SUSD1: variants seen among roughly 807,000 people sequenced by gnomAD.
SUSD1 encodes the protein sushi domain-containing protein 1.
A neutral mutation model predicts 86.9 loss-of-function variants in SUSD1; 65 were observed. That is an observed-to-expected ratio of 0.75 (90% CI 0.61 to 0.92). The LOEUF (loss-of-function observed/expected upper bound fraction) is 0.92. Ranked by LOEUF, SUSD1 falls within the 40% of genes least tolerant of loss-of-function variation. SUSD1 has a pLI of 0.00. For synonymous variants in SUSD1, 346 were observed against 350.0 expected, an observed-to-expected ratio of 0.99 and a Z score of 0.13; for missense variants, 850 against 929.7, an observed-to-expected ratio of 0.91 and a Z score of 1.11.
At chr9:112,054,335 A>G (rs1404702852) in intron 14 of SUSD1, among the ~76,000 whole-genome samples, 1 of 152,202 alleles carries the variant, frequency 6.6e-6, no homozygotes, top group East Asian at 1.9e-4. Context: ...CTGTAATCCC[A>G]GTACTTTGGG....
intron 14 of SUSD1, among the ~76,000 whole-genome samples, chr9:112,057,180 C>T (rs1828487854): frequency 6.6e-6 from 1 of 152,176 alleles, no homozygotes; most frequent in Non-Finnish European, 1.5e-5. Flanking sequence ...GGCAGCTGTC[C>T]ACAAGCCAGG....
At chr9:112,080,700 A>AAG (rs1554757278) in intron 10 of SUSD1, among the ~76,000 whole-genome samples, 5 of 151,666 alleles carry the variant, frequency 3.3e-5, no homozygotes, top group Non-Finnish European at 5.9e-5. Context: ...GAAAAAAAAA[A>AAG]AAAAGAAAAG....
chr9:112,102,665 G>A (rs569794961), intron 8 of SUSD1, among the ~76,000 whole-genome samples: 3 of 152,332 alleles, frequency 2.0e-5, no homozygotes, highest in East Asian at 3.9e-4. Flanking sequence ...ATGAAGGTAA[G>A]CATAGCAGTA....
At chr9:112,161,794 C>T (rs191563639) in intron 1 of SUSD1, among the ~76,000 whole-genome samples, 1 of 148,050 alleles carries the variant, frequency 6.8e-6, no homozygotes, top group East Asian at 2.0e-4. Context: ...TGCACTCCAG[C>T]CTGCGTGACA....
chr9:112,156,386 T>G (rs1165300352), intron 2 of SUSD1, among the ~76,000 whole-genome samples: 2 of 151,184 alleles, frequency 1.3e-5, no homozygotes, highest in Non-Finnish European at 2.9e-5. Context: ...CACTTGAACC[T>G]CGGAGGCGGA....
chr9:112,082,045 T>C (rs1395940420), intron 10 of SUSD1, among the ~76,000 whole-genome samples: 1 of 152,072 alleles, frequency 6.6e-6, no homozygotes, highest in African/African-American at 2.4e-5. Context: ...TTAAGAACAA[T>C]ACAAGGATGT....
chr9:112,068,144 A>C (rs1255818320), intron 12 of SUSD1, among the ~76,000 whole-genome samples: 1 of 152,164 alleles, frequency 6.6e-6, no homozygotes, highest in African/African-American at 2.4e-5. Flanking sequence ...AGTTTTGTAA[A>C]GGTAGTGCCC....
chr9:112,135,717 T>C (rs1446799402), intron 5 of SUSD1, among the ~76,000 whole-genome samples: 1 of 152,214 alleles, frequency 6.6e-6, no homozygotes, highest in Non-Finnish European at 1.5e-5. Context: ...AAAGACCTTA[T>C]GTTTTTGATG....
intron 9 of SUSD1, among the ~76,000 whole-genome samples, chr9:112,101,192 T>A (rs1468377832): frequency 6.6e-6 from 1 of 151,520 alleles, no homozygotes; most frequent in Non-Finnish European, 1.5e-5. Flanking sequence ...TGACACGACA[T>A]CTCTAATAAA....
rs116103024 is a variant in SUSD1 at position 112,166,968 on chromosome 9, G to A, written c.103+8165C>T. On this transcript the variant is annotated intron_variant, in intron 1 of 16. Coordinates refer to ENST00000374270, the MANE Select transcript of SUSD1 (RefSeq NM_022486.5). ...GGCTGCTGAGCTAGCTTCACTACCC[G>A]TCCCAGCTCTGCAGTGACTACCCCA... Among the ~76,000 whole-genome samples the A allele has an allele frequency of 7.9e-3, 1,204 of 152,230 alleles. 24 individuals carry two copies. Among genetic ancestry groups the A allele is most frequent in the African/African-American group, 0.027 (1,139 of 41,526 alleles).
At position 112,124,355 on chromosome 9, in the gene SUSD1, C is replaced by A. The variant is rs774815840; in HGVS notation, c.788G>T (p.Arg263Leu). Residue 263 changes from arginine (R) to leucine (L), a missense_variant, in exon 6 of 17, where the codon CGC becomes CTC. By Grantham distance (102) the Arg-to-Leu change is moderately radical (BLOSUM62 -2). Transcript: ENST00000374270. ...CTCAAAGCCCTCTTGACAGACATAG[C>A]GAGCCACACCGCCCAGCCTGGAGCT... ...NHSSRLGGVA[R>L]YVCQEGFESP... 2.0e-5 allele frequency: 33 copies of A among 1,613,918 alleles called. No homozygotes were observed. The highest frequency in any genetic ancestry group is 2.8e-5 in the Non-Finnish European group (33 of 1,179,990).
chr9:112,067,391 T>G (rs757648755), intron 12 of SUSD1, among the ~76,000 whole-genome samples: 3 of 152,258 alleles, frequency 2.0e-5, no homozygotes, highest in Non-Finnish European at 2.9e-5. Flanking sequence ...CCCAGTTCTG[T>G]GATCCCACAG....
intron 1 of SUSD1, among the ~76,000 whole-genome samples, chr9:112,159,558 A>C (rs543211047): frequency 6.6e-6 from 1 of 152,354 alleles, no homozygotes; most frequent in East Asian, 1.9e-4. Flanking sequence ...TAAAGGCTGA[A>C]TTATCTGACC....
At chr9:112,169,675 CTT>C (rs36110944) in intron 1 of SUSD1, among the ~76,000 whole-genome samples, 3 of 137,976 alleles carry the variant, frequency 2.2e-5, no homozygotes, top group Non-Finnish European at 3.1e-5. Flanking sequence ...AAGGGTGTAC[CTT>C]TTTTTTTTTT....
intron 14 of SUSD1, among the ~76,000 whole-genome samples, chr9:112,055,156 T>C (rs766462963): frequency 6.6e-6 from 1 of 152,204 alleles, no homozygotes; most frequent in South Asian, 2.1e-4. Flanking sequence ...CTGGGAGTGG[T>C]GGCTCATGCC....
chr9:112,052,074 C>A (rs1196102919), intron 15 of SUSD1: 1 of 1,202,390 alleles, frequency 8.3e-7, no homozygotes, highest in African/African-American at 1.6e-5. Context: ...TCTCACATGT[C>A]CTACAGTAGA....
In SUSD1 at chr9:112,175,228, C is replaced by T; in HGVS notation, c.8G>A (p.Arg3Gln). The change falls in exon 1 of 17, where the codon CGG (arginine) becomes CAG (glutamine). Residue 3 changes from arginine (R) to glutamine (Q), a missense_variant. Transcript: ENST00000374270. This position sits in a 1 kb window ranked among gnomAD's most constrained non-coding sequence, Gnocchi z 4.7. MG[R>Q]GPWDAGPSRR... ...AGACGGGCCCGCATCCCAGGGCCCC[C>T]GGCCCATGCCGCCGCCGGTCCCTCC... 1 of 1,155,260 alleles carries T rather than the reference C, an allele frequency of 8.7e-7. No homozygotes were observed. The highest frequency in any genetic ancestry group is 1.1e-6 in the Non-Finnish European group (1 of 939,696). 71.6% of individuals were successfully genotyped at this position (1,155,260 alleles called of 1,614,324 possible).
intron 12 of SUSD1, among the ~76,000 whole-genome samples, chr9:112,069,554 C>T (rs1029579341): frequency 2.6e-5 from 4 of 152,236 alleles, no homozygotes; most frequent in South Asian, 2.1e-4. Flanking sequence ...TTGCTATCAC[C>T]GAAATGCCCT....
intron 12 of SUSD1, among the ~76,000 whole-genome samples, chr9:112,063,386 G>T (rs1828820286): frequency 1.3e-5 from 2 of 152,170 alleles, no homozygotes; most frequent in Admixed American, 6.5e-5. Flanking sequence ...AGTGGTGAGG[G>T]TTGCACAACA....
Sources: allele counts gnomAD v4.1 joint callset (sites outside exome capture counted in the v4.1 genomes callset), GRCh38; gene constraint gnomAD v4.1.1; non-coding constraint Gnocchi (gnomAD v3.1); transcripts MANE v1.5; gene names NCBI Gene and HGNC (gene_info 2026-07-23, HGNC 2026-07-21).